Variants in KLHDC4 observed in about 807,000 individuals in gnomAD.
The protein encoded by KLHDC4 is kelch domain-containing protein 4.
KLHDC4 carries 90 observed loss-of-function variants against 62.4 expected under a neutral mutation model. That is an observed-to-expected ratio of 1.44 (90% CI 1.22 to 1.72). KLHDC4 has a LOEUF of 1.72. KLHDC4 is among the 40% of genes most tolerant of loss of function. KLHDC4 has a pLI of 0.00. For synonymous variants in KLHDC4, 386 were observed against 284.4 expected, an observed-to-expected ratio of 1.36 and a Z score of -3.59; for missense variants, 1,025 against 699.7, an observed-to-expected ratio of 1.47 and a Z score of -5.25.
intron 5 of KLHDC4, among the ~76,000 whole-genome samples, chr16:87,740,204 T>C (rs2143013449): frequency 6.6e-6 from 1 of 152,202 alleles, no homozygotes; most frequent in South Asian, 2.1e-4. Context: ...ACTCTGAATC[T>C]TCAAAGCCAG....
intron 7 of KLHDC4, among the ~76,000 whole-genome samples, chr16:87,722,148 C>T (rs1400107653): frequency 2.0e-5 from 3 of 152,210 alleles, no homozygotes; most frequent in Admixed American, 6.5e-5. Context: ...CTGTCCCACA[C>T]GCTGCATCTC....
intron 2 of KLHDC4, among the ~76,000 whole-genome samples, chr16:87,759,444 AC>A (rs1437487318): frequency 6.7e-6 from 1 of 149,164 alleles, no homozygotes; most frequent in Non-Finnish European, 1.5e-5. Flanking sequence ...AAAAAAAAAA[AC>A]TTTTTAAAAA....
downstream of KLHDC4, among the ~76,000 whole-genome samples, chr16:87,706,290 TGAGCTGG>T (rs2034702012): frequency 2.8e-5 from 1 of 36,142 alleles, no homozygotes; most frequent in Non-Finnish European, 5.0e-5. Context: ...GGGAGGGGGG[TGAGCTGG>T]CACAACCCAA....
chr16:87,753,717 CTT>C (rs1567813854), intron 4 of KLHDC4, among the ~76,000 whole-genome samples: 2 of 151,832 alleles, frequency 1.3e-5, no homozygotes, highest in African/African-American at 4.8e-5. Context: ...AGGAGAATCT[CTT>C]GAACTCAGGA....
intron 6 of KLHDC4, among the ~76,000 whole-genome samples, chr16:87,727,253 G>A (rs893854231): frequency 1.3e-5 from 2 of 152,174 alleles, no homozygotes; most frequent in African/African-American, 2.4e-5. Context: ...TTTGAAAACC[G>A]GAAATAATGC....
At chr16:87,731,473 G>A (rs900310836) in intron 5 of KLHDC4, among the ~76,000 whole-genome samples, 1 of 151,396 alleles carries the variant, frequency 6.6e-6, no homozygotes, top group Non-Finnish European at 1.5e-5. Flanking sequence ...GAAAAAAGAT[G>A]GAAAAAGGCC....
intron 5 of KLHDC4, among the ~76,000 whole-genome samples, chr16:87,746,391 CAGAG>C (rs918961905): frequency 6.6e-6 from 1 of 151,874 alleles, no homozygotes; most frequent in African/African-American, 2.4e-5. Flanking sequence ...GAGAAAGAGA[CAGAG>C]AGAGAAAGAG....
intron 10 of KLHDC4, among the ~76,000 whole-genome samples, chr16:87,708,797 T>C (rs766976930): frequency 2.1e-4 from 32 of 152,122 alleles, no homozygotes; most frequent in Non-Finnish European, 4.4e-5. Context: ...TCACCACCTT[T>C]CCCTAGATTT....
At chr16:87,764,028 G>A (rs550195271) in intron 1 of KLHDC4, among the ~76,000 whole-genome samples, 28 of 152,292 alleles carry the variant, frequency 1.8e-4, no homozygotes, top group African/African-American at 5.8e-4. Flanking sequence ...GTGAAGGTGC[G>A]AACCAGGTGA....
intron 5 of KLHDC4, among the ~76,000 whole-genome samples, chr16:87,735,141 T>A (rs2041084855): frequency 6.7e-6 from 1 of 149,650 alleles, no homozygotes; most frequent in Admixed American, 6.7e-5. Context: ...CTACTAAAAA[T>A]ACAAAAAAAT....
At position 87,711,297 on chromosome 16, in the gene KLHDC4, ACT is replaced by A. The variant is rs758975095; in HGVS notation, c.980_981del (p.Glu327ValfsTer17). ...DEEEEESLSG[E>X]FFNDLYFYDA... ...TCGTAGAAGTACAGATCGTTGAAGAACTCGCCCGACAGGCTCTCCTCCTCTTC... is the reference window on the plus strand; with the variant it reads ...TCGTAGAAGTACAGATCGTTGAAGAACGCCCGACAGGCTCTCCTCCTCTTC... On this transcript the variant is annotated frameshift_variant, in exon 9 of 12. Coordinates refer to ENST00000270583, the MANE Select transcript of KLHDC4 (RefSeq NM_017566.4). LOFTEE classifies it high-confidence loss of function. The A allele has an allele frequency of 6.2e-7, 1 of 1,613,732 alleles. No homozygotes were observed. The highest frequency in any genetic ancestry group is 1.3e-5 in the African/African-American group (1 of 74,854).
intron 7 of KLHDC4, among the ~76,000 whole-genome samples, chr16:87,724,892 C>T (rs1227305264): frequency 6.6e-6 from 1 of 152,202 alleles, no homozygotes; most frequent in African/African-American, 2.4e-5. Flanking sequence ...TGGACGTGCT[C>T]ATAGCAGCTT....
At chr16:87,734,989 A>G (rs1454902833) in intron 5 of KLHDC4, among the ~76,000 whole-genome samples, 1 of 111,000 alleles carries the variant, frequency 9.0e-6, no homozygotes, top group African/African-American at 3.6e-5. Flanking sequence ...CCTCCTGACG[A>G]ATTGCCTGAC....
intron 2 of KLHDC4, among the ~76,000 whole-genome samples, chr16:87,757,716 C>G (rs2045206295): frequency 6.6e-6 from 1 of 151,462 alleles, no homozygotes; most frequent in Admixed American, 6.6e-5. Flanking sequence ...ACGGTGAAAC[C>G]CCCCGTCTCT....
chr16:87,751,382 G>C (rs561385176), intron 4 of KLHDC4, among the ~76,000 whole-genome samples: 2 of 152,052 alleles, frequency 1.3e-5, no homozygotes, highest in Admixed American at 1.3e-4. Flanking sequence ...GCTGAGGCAG[G>C]AGAATCGCTT....
chr16:87,722,441 TCC>T (rs2038571658), intron 7 of KLHDC4, among the ~76,000 whole-genome samples: 1 of 151,832 alleles, frequency 6.6e-6, no homozygotes, highest in Non-Finnish European at 1.5e-5. Context: ...AGCACTACTG[TCC>T]ACTTCATGAA....
At chr16:87,740,252 G>C (rs993434396) in intron 5 of KLHDC4, among the ~76,000 whole-genome samples, 3 of 152,202 alleles carry the variant, frequency 2.0e-5, no homozygotes, top group African/African-American at 7.2e-5. Flanking sequence ...CGTGACTGAG[G>C]AGGGAAATGA....
intron 8 of KLHDC4, 63 bp downstream of exon 8, chr16:87,714,435 G>A (rs2036525514): frequency 1.2e-6 from 2 of 1,603,366 alleles, no homozygotes; most frequent in South Asian, 1.1e-5. Flanking sequence ...GGGAGGGTGT[G>A]GGCTCTGCCT....
At chr16:87,764,903 A>T (rs2143541978) in intron 1 of KLHDC4, among the ~76,000 whole-genome samples, 1 of 151,778 alleles carries the variant, frequency 6.6e-6, no homozygotes, top group South Asian at 2.1e-4. Context: ...TATTTAAGAG[A>T]TGAGGACATG....
Sources: gnomAD v4.1 joint callset for allele counts (sites outside exome capture counted in the v4.1 genomes callset) on GRCh38, gnomAD v4.1.1 for gene constraint, MANE v1.5 for transcripts, NCBI Gene and HGNC (gene_info 2026-07-23, HGNC 2026-07-21) for gene names.